HS6ST3: variants seen among roughly 807,000 people sequenced by gnomAD.
HS6ST3 encodes heparan sulfate 6-O-sulfotransferase 3, also known as heparan-sulfate 6-O-sulfotransferase 3.
In HS6ST3, 12 loss-of-function variants were observed where a neutral mutation model predicts 36.7. That is an observed-to-expected ratio of 0.33 (90% CI 0.21 to 0.53). The LOEUF (loss-of-function observed/expected upper bound fraction) is 0.53, where lower values mean the gene tolerates loss of function less well. Ranked by LOEUF, HS6ST3 falls within the 20% of genes least tolerant of loss-of-function variation. HS6ST3 has a pLI of 0.95. For missense variants in HS6ST3, 584 were observed against 640.9 expected (o/e 0.91, Z 0.96); for synonymous variants, 240 against 257.5 (o/e 0.93, Z 0.65).
chr13:96,232,625 A>G (rs9584347), intron 1 of HS6ST3, among the ~76,000 whole-genome samples: 84,824 of 151,762 alleles, frequency 0.56, 23,994 homozygotes, highest in Admixed American at 0.67. Flanking sequence ...GGACAGTGGT[A>G]ATGAGCAGGA....
chr13:96,275,896 C>T (rs1262887789), intron 1 of HS6ST3, among the ~76,000 whole-genome samples: 2 of 145,458 alleles, frequency 1.4e-5, no homozygotes, highest in African/African-American at 5.1e-5. Flanking sequence ...GAATTAATTT[C>T]CAAAGCTTAC....
intron 1 of HS6ST3, among the ~76,000 whole-genome samples, chr13:96,371,815 A>G (rs745312884): frequency 6.6e-6 from 1 of 152,114 alleles, no homozygotes; most frequent in Non-Finnish European, 1.5e-5. Context: ...TAAAGGATTA[A>G]TAGTATTCTA....
intron 1 of HS6ST3, among the ~76,000 whole-genome samples, chr13:96,828,307 GA>G (rs1311370702): frequency 1.3e-5 from 2 of 152,270 alleles, no homozygotes; most frequent in East Asian, 3.9e-4. Flanking sequence ...ACAGAATATA[GA>G]AAATGTATAG....
At chr13:96,227,303 A>G (rs547873054) in intron 1 of HS6ST3, among the ~76,000 whole-genome samples, 4 of 152,232 alleles carry the variant, frequency 2.6e-5, no homozygotes, top group Non-Finnish European at 5.9e-5. Context: ...CCTCTAAAAC[A>G]GGTGTCATTT....
intron 1 of HS6ST3, among the ~76,000 whole-genome samples, chr13:96,242,660 A>G (rs1219660578): frequency 5.9e-5 from 9 of 151,952 alleles, no homozygotes; most frequent in Admixed American, 2.6e-4. Flanking sequence ...TTTAAGGTTG[A>G]ATCATGAAGA....
chr13:96,534,865 C>G (rs1263620245), intron 1 of HS6ST3, among the ~76,000 whole-genome samples: 1 of 152,180 alleles, frequency 6.6e-6, no homozygotes, highest in African/African-American at 2.4e-5. Context: ...GAGGCTGAGA[C>G]AGGAGAATCC....
intron 1 of HS6ST3, among the ~76,000 whole-genome samples, chr13:96,328,087 C>T (rs2139418713): frequency 6.8e-6 from 1 of 146,168 alleles, no homozygotes; most frequent in East Asian, 2.0e-4. Flanking sequence ...TGGGCTGAGA[C>T]AGTGGGGTTT....
At chr13:96,215,690 T>C (rs2054422384) in intron 1 of HS6ST3, among the ~76,000 whole-genome samples, 1 of 152,114 alleles carries the variant, frequency 6.6e-6, no homozygotes, top group Non-Finnish European at 1.5e-5. Flanking sequence ...TTTATCAAAG[T>C]AATATATGCT....
intron 1 of HS6ST3, among the ~76,000 whole-genome samples, chr13:96,160,152 G>T (rs73546962): frequency 2.6e-5 from 4 of 152,130 alleles, no homozygotes; most frequent in African/African-American, 7.2e-5. Flanking sequence ...TGAGGTTTTC[G>T]TAGAAGCATC....
At chr13:96,397,605 G>GC (rs1217850320) in intron 1 of HS6ST3, among the ~76,000 whole-genome samples, 8 of 152,090 alleles carry the variant, frequency 5.3e-5, no homozygotes, top group Non-Finnish European at 7.4e-5. Context: ...GGCTTCCAGG[G>GC]CCTTTTCACC....
At chr13:96,528,392 G>A (rs146883173) in intron 1 of HS6ST3, among the ~76,000 whole-genome samples, 87 of 152,260 alleles carry the variant, frequency 5.7e-4, no homozygotes, top group Non-Finnish European at 1.1e-3. Flanking sequence ...TAAAATTTAA[G>A]ATTTCAAGAG....
At chr13:96,453,518 G>A (rs528090380) in intron 1 of HS6ST3, among the ~76,000 whole-genome samples, 1 of 152,250 alleles carries the variant, frequency 6.6e-6, no homozygotes, top group African/African-American at 2.4e-5. Flanking sequence ...CAGAAACACC[G>A]TGGAGAACCA....
chr13:96,799,658 C>G (rs1355285331), intron 1 of HS6ST3, among the ~76,000 whole-genome samples: 2 of 150,738 alleles, frequency 1.3e-5, no homozygotes, highest in Admixed American at 1.3e-4. Context: ...GGAGGGATAG[C>G]ATTGGGAGAT....
intron 1 of HS6ST3, among the ~76,000 whole-genome samples, chr13:96,602,717 A>G (rs541812875): frequency 1.3e-5 from 2 of 152,216 alleles, no homozygotes; most frequent in Non-Finnish European, 2.9e-5. Context: ...GTCTCTCCTT[A>G]TGCCACAGTG....
At chr13:96,764,986 A>G (rs1327464960) in intron 1 of HS6ST3, among the ~76,000 whole-genome samples, 3 of 151,132 alleles carry the variant, frequency 2.0e-5, no homozygotes, top group African/African-American at 7.3e-5. Flanking sequence ...ATGGAAGCCT[A>G]TTGAAATTGA....
At chr13:96,462,287 T>C (rs2055788466) in intron 1 of HS6ST3, among the ~76,000 whole-genome samples, 1 of 152,082 alleles carries the variant, frequency 6.6e-6, no homozygotes, top group South Asian at 2.1e-4. Context: ...CCTAGGCTGG[T>C]CTCAAACTCC....
chr13:96,117,067 A>G (rs1445525610), intron 1 of HS6ST3, among the ~76,000 whole-genome samples: 1 of 152,202 alleles, frequency 6.6e-6, no homozygotes, highest in Non-Finnish European at 1.5e-5. Flanking sequence ...AATTTAGCCT[A>G]GTTTTTAGGA....
intron 1 of HS6ST3, among the ~76,000 whole-genome samples, chr13:96,646,806 G>A (rs574864651): frequency 2.9e-4 from 44 of 152,050 alleles, no homozygotes; most frequent in South Asian, 1.2e-3. Flanking sequence ...TTTTGAAAGA[G>A]GTTCACTCTC....
chr13:96,797,320 C>T (rs1877938363), intron 1 of HS6ST3, among the ~76,000 whole-genome samples: 2 of 152,058 alleles, frequency 1.3e-5, no homozygotes, highest in Admixed American at 1.3e-4. Context: ...TAAACGGGGT[C>T]CTGCTCAGAG....
Sources: allele counts gnomAD v4.1 joint callset (sites outside exome capture counted in the v4.1 genomes callset), GRCh38; gene constraint gnomAD v4.1.1; transcripts MANE v1.5; gene names NCBI Gene and HGNC (gene_info 2026-07-23, HGNC 2026-07-21).